Variants in SLC22A9 observed in about 807,000 individuals in gnomAD.
SLC22A9 encodes solute carrier family 22 member 9.
In SLC22A9, 64 loss-of-function variants were observed where a neutral mutation model predicts 50.1. That is an observed-to-expected ratio of 1.28 (90% CI 1.04 to 1.57). The LOEUF (loss-of-function observed/expected upper bound fraction) is 1.57, where lower values mean the gene tolerates loss of function less well. Among genes scored for constraint, SLC22A9 ranks in the 40% most tolerant of loss-of-function variants. The pLI, the probability that SLC22A9 is intolerant of heterozygous loss-of-function variation, is 0.00. For synonymous variants in SLC22A9, 261 were observed against 242.5 expected (o/e 1.08, Z -0.71); for missense variants, 757 against 676.1 (o/e 1.12, Z -1.33).
intron 6 of SLC22A9, among the ~76,000 whole-genome samples, chr11:63,405,460 AT>A (rs1321114418): frequency 6.6e-6 from 1 of 152,214 alleles, no homozygotes; most frequent in African/African-American, 2.4e-5. Flanking sequence ...ATACATATGT[AT>A]TCTGAAAACG....
chr11:63,408,208 C>T lies in SLC22A9; in HGVS notation c.1385C>T (p.Pro462Leu). The T allele has an allele frequency of 6.2e-7, 1 of 1,613,324 alleles. No individual in the cohort carries two copies. Residue 462 changes from proline to leucine, a missense_variant, in exon 8 of 10, where the codon CCC (proline) becomes CTC (leucine). Coordinates refer to ENST00000279178, the MANE Select transcript of SLC22A9 (RefSeq NM_080866.3). ...TTTGCCCATGGAAATGAAGTAATTC[C>T]CACCATAATCAGGTACAGAACCTTA... ...LAFAHGNEVI[P>L]TIIRARAMGI... is the part of the protein sequence containing the mutation.
At chr11:63,391,757 A>G (rs2014767387) in intron 6 of SLC22A9, among the ~76,000 whole-genome samples, 1 of 151,988 alleles carries the variant, frequency 6.6e-6, no homozygotes, top group Non-Finnish European at 1.5e-5. Flanking sequence ...TAATCCATTC[A>G]GGAACTCTCT....
chr11:63,386,901 C>T (rs1210099650), intron 6 of SLC22A9, among the ~76,000 whole-genome samples: 1 of 151,296 alleles, frequency 6.6e-6, no homozygotes, highest in Non-Finnish European at 1.5e-5. Context: ...CCTTCAGTTG[C>T]ACTCTGATCT....
intron 5 of SLC22A9, among the ~76,000 whole-genome samples, chr11:63,378,501 A>G (rs534300981): frequency 9.9e-5 from 15 of 152,140 alleles, no homozygotes; most frequent in Non-Finnish European, 2.1e-4. Context: ...TCTATTAAGC[A>G]TAGTACTCAA....
At chr11:63,379,440 A>T (rs529349390) in intron 5 of SLC22A9, among the ~76,000 whole-genome samples, 1 of 152,368 alleles carries the variant, frequency 6.6e-6, no homozygotes, top group African/African-American at 2.4e-5. Context: ...ACCATTCTGG[A>T]CAAAGGCCCT....
chr11:63,399,839 T>C (rs1307913853), intron 6 of SLC22A9, among the ~76,000 whole-genome samples: 1 of 152,098 alleles, frequency 6.6e-6, no homozygotes, highest in Non-Finnish European at 1.5e-5. Context: ...TCATATCAAG[T>C]TATCTTTTCT....
chr11:63,406,745 C>A (rs1170328522), intron 7 of SLC22A9, 34 bp downstream of exon 7: 27 of 1,599,196 alleles, frequency 1.7e-5, no homozygotes, highest in Non-Finnish European at 2.1e-5. Flanking sequence ...GAGAGAAATG[C>A]CTTTGCCTCT....
Position 63,370,591 on chromosome 11 carries a change from T to G in SLC22A9, c.402+133T>G, listed in dbSNP as rs1204201824. 5 of 1,051,010 alleles carry G rather than the reference T, an allele frequency of 4.8e-6. No homozygotes were observed. In the African/African-American group the frequency reaches 8.0e-5, roughly 17 times the overall value. 65.1% of individuals were successfully genotyped at this position (1,051,010 alleles called of 1,614,324 possible). On this transcript the variant is annotated intron_variant, in intron 1 of 9. Transcript: ENST00000279178. ...ATTCTTTCAGCAAATACTAATTGCT[T>G]CTTTATTAAATGTCTGACACCTACA...
At chr11:63,385,146 A>C (rs1182730616) in intron 6 of SLC22A9, among the ~76,000 whole-genome samples, 2 of 59,722 alleles carry the variant, frequency 3.3e-5, no homozygotes, top group African/African-American at 1.3e-4. Context: ...GAAGCTCTTT[A>C]GTTTAATTAG....
intron 6 of SLC22A9, among the ~76,000 whole-genome samples, chr11:63,392,609 T>C (rs1373698398): frequency 6.6e-6 from 1 of 152,074 alleles, no homozygotes; most frequent in Non-Finnish European, 1.5e-5. Context: ...GGAGCTCCAC[T>C]GCATGTTACT....
chr11:63,378,222 C>T (rs907587240), intron 5 of SLC22A9, among the ~76,000 whole-genome samples: 1 of 151,462 alleles, frequency 6.6e-6, no homozygotes, highest in South Asian at 2.1e-4. Flanking sequence ...AATACCAAAA[C>T]CTGGCAGAGA....
intron 6 of SLC22A9, among the ~76,000 whole-genome samples, chr11:63,401,874 T>C (rs1247244762): frequency 6.6e-6 from 1 of 152,162 alleles, no homozygotes; most frequent in Non-Finnish European, 1.5e-5. Flanking sequence ...TATAAGTTTT[T>C]TTATATGCTT....
Position 63,373,635 on chromosome 11 carries a change from G to T in SLC22A9, c.507-9G>T, listed in dbSNP as rs539824185. ...TGTTCCCATTATCTAACCTGTTTCT[G>T]TTTCTCAGGTTTGGGAGAAGGTTCG... On this transcript the variant is annotated splice_polypyrimidine_tract_variant and intron_variant, in intron 2 of 9. Transcript: ENST00000279178. The T allele has an allele frequency of 2.0e-6, 3 of 1,528,012 alleles. No homozygotes were observed. Among genetic ancestry groups the T allele is most frequent in the African/African-American group, 2.8e-5 (2 of 71,458 alleles). 94.7% of individuals were successfully genotyped at this position (1,528,012 alleles called of 1,614,324 possible). A position where few individuals can be genotyped will look rare whatever the true frequency, so the allele number is the denominator to read the frequency against.
chr11:63,382,375 C>A, intron 6 of SLC22A9, 98 bp downstream of exon 6: 2 of 831,472 alleles, frequency 2.4e-6, no homozygotes, highest in Non-Finnish European at 3.7e-6. Flanking sequence ...AACAGATTTG[C>A]ACATAAAAGA....
intron 2 of SLC22A9, among the ~76,000 whole-genome samples, chr11:63,373,122 CCTT>C (rs1565180884): frequency 7.5e-6 from 1 of 132,576 alleles, no homozygotes. Flanking sequence ...TCTTTTTTTT[CCTT>C]TTTTTTTTTC....
chr11:63,377,133 A>G (rs1363108639), intron 5 of SLC22A9, among the ~76,000 whole-genome samples: 2 of 151,860 alleles, frequency 1.3e-5, no homozygotes, highest in Non-Finnish European at 2.9e-5. Context: ...AGTGTTAGAC[A>G]GATTATAGAC....
At chr11:63,382,506 CTG>C (rs2014584744) in intron 6 of SLC22A9, among the ~76,000 whole-genome samples, 1 of 152,226 alleles carries the variant, frequency 6.6e-6, no homozygotes, top group South Asian at 2.1e-4. Context: ...AGGCTCTTCA[CTG>C]GACACCAACG....
At chr11:63,385,238 T>A (rs565231170) in intron 6 of SLC22A9, among the ~76,000 whole-genome samples, 1 of 150,686 alleles carries the variant, frequency 6.6e-6, no homozygotes, top group Non-Finnish European at 1.5e-5. Context: ...ATGTCCTGAA[T>A]ACTGTTGCCT....
intron 6 of SLC22A9, among the ~76,000 whole-genome samples, chr11:63,400,637 G>A (rs1202707436): frequency 6.6e-6 from 1 of 152,046 alleles, no homozygotes; most frequent in East Asian, 1.9e-4. Flanking sequence ...AAATAAAGGA[G>A]GTGGGAATAC....
Sources: gnomAD v4.1 joint callset for allele counts (sites outside exome capture counted in the v4.1 genomes callset) on GRCh38, gnomAD v4.1.1 for gene constraint, MANE v1.5 for transcripts, NCBI Gene and HGNC (gene_info 2026-07-23, HGNC 2026-07-21) for gene names.